Variants in VWA8 observed in about 807,000 individuals in gnomAD.
VWA8 encodes the protein von Willebrand factor A domain containing 8.
A neutral mutation model predicts 241.5 loss-of-function variants in VWA8; 221 were observed. That is an observed-to-expected ratio of 0.91 (90% CI 0.82 to 1.02). The LOEUF (loss-of-function observed/expected upper bound fraction) is 1.02. Among genes scored for constraint, VWA8 ranks in the 50% least tolerant of loss-of-function variants. The probability of loss-of-function intolerance (pLI) is 0.00; values close to 1 mark genes in which losing one functional copy is unlikely to be tolerated. For missense variants in VWA8, 2,322 were observed against 2,328.7 expected, an observed-to-expected ratio of 1.00 and a Z score of 0.06; for synonymous variants, 852 against 827.1, an observed-to-expected ratio of 1.03 and a Z score of -0.52.
At chr13:41,811,140 G>C in intron 17 of VWA8, 85 bp downstream of exon 17, 1 of 1,149,506 alleles carries the variant, frequency 8.7e-7, no homozygotes, top group South Asian at 1.4e-5. Context: ...TTGAAGAATT[G>C]GGAATATGCA....
intron 17 of VWA8, among the ~76,000 whole-genome samples, chr13:41,799,668 C>T (rs949995493): frequency 2.0e-5 from 3 of 152,140 alleles, no homozygotes; most frequent in Non-Finnish European, 2.9e-5. Flanking sequence ...CCACTTAGCC[C>T]TATTCCTATT....
Position 41,685,121 on chromosome 13 carries a change from G to A in VWA8, c.4253C>T (p.Thr1418Ile), listed in dbSNP as rs2137811511. 6.2e-7 allele frequency: 1 copy of A among 1,613,606 alleles called. No homozygotes were observed. The highest frequency in any genetic ancestry group is 8.5e-7 in the Non-Finnish European group (1 of 1,179,734). The change falls in exon 35 of 45, where the codon ACT becomes ATT. Residue 1418 changes from threonine (T) to isoleucine (I), a missense_variant. By Grantham distance (89) the Thr-to-Ile change is moderately conservative. Transcript: ENST00000379310. ...RGTPKQSNCV[T>I]LLDTNQVVRI... ...CACTACCTGATTCGTATCTAAAAGAGTCACACAATTGCTTTGTTTTGGAGT... is the reference window on the plus strand; with the variant it reads ...CACTACCTGATTCGTATCTAAAAGAATCACACAATTGCTTTGTTTTGGAGT...
intron 39 of VWA8, among the ~76,000 whole-genome samples, chr13:41,609,994 C>G (rs1484517785): frequency 2.0e-5 from 3 of 152,186 alleles, no homozygotes. Flanking sequence ...ATTATGGCAA[C>G]AGGAGAAGGG....
chr13:41,589,745 C>T (rs1255949556), intron 41 of VWA8, among the ~76,000 whole-genome samples: 1 of 152,180 alleles, frequency 6.6e-6, no homozygotes, highest in African/African-American at 2.4e-5. Context: ...GTCAACACAC[C>T]TGGACAGACT....
chr13:41,886,098 T>TGTGTAAGTTGTTAA, intron 7 of VWA8, 70 bp from the exon 8 acceptor site: 1 of 1,023,462 alleles, frequency 9.8e-7, no homozygotes, highest in South Asian at 1.6e-5. Context: ...AAATATAAAA[T>TGTGTAAGTTGTTAA]ACAGGGGCCA....
chr13:41,591,379 C>T (rs1245577644), intron 40 of VWA8, among the ~76,000 whole-genome samples: 3 of 152,068 alleles, frequency 2.0e-5, no homozygotes, highest in Non-Finnish European at 4.4e-5. Flanking sequence ...AATTTTACGG[C>T]AGTAAAATGA....
intron 12 of VWA8, 102 bp downstream of exon 12, chr13:41,865,634 A>C: frequency 7.7e-7 from 1 of 1,299,318 alleles, no homozygotes; most frequent in Non-Finnish European, 1.1e-6. Flanking sequence ...CTTTACCTAT[A>C]TAAAAAAACA....
In VWA8 at chr13:41,877,782, G is replaced by A. The variant is rs957106482; in HGVS notation, c.1080+5605C>T. ...GCCTGGATGTATTTGTTACTAAACT[G>A]TAAGAAAGCATACTATTCTCAAAGT... On this transcript the variant is annotated intron_variant, in intron 9 of 44. Coordinates refer to ENST00000379310, the MANE Select transcript of VWA8 (RefSeq NM_015058.2). Among the ~76,000 whole-genome samples, 4 of 152,104 alleles carry A rather than the reference G, an allele frequency of 2.6e-5. No individual in the cohort carries two copies. In the South Asian group the frequency reaches 8.3e-4, roughly 32 times the overall value.
At position 41,729,621 on chromosome 13, in the gene VWA8, T is replaced by C; in HGVS notation, c.2559A>G (p.Pro853=). The part of the protein sequence containing the change: ...ILVVDEADKA[P]TNVTCILKTL... ...TTTTTAAAATACACGTGACATTTGT[T>C]GGAGCTTTGTCAGCCTCATCTACTA... The change falls in exon 23 of 45, where the codon CCA becomes CCG. Residue 853 remains proline (P), a synonymous_variant. Transcript: ENST00000379310. 6.2e-7 allele frequency: 1 copy of C among 1,613,522 alleles called. No individual in the cohort carries two copies. Among genetic ancestry groups the C allele is most frequent in the Non-Finnish European group, 8.5e-7 (1 of 1,179,620 alleles).
intron 21 of VWA8, 33 bp downstream of exon 21, chr13:41,761,095 A>AT (rs1218847031): frequency 1.9e-6 from 3 of 1,590,186 alleles, no homozygotes; most frequent in Admixed American, 1.8e-5. Context: ...ATTAAATGAG[A>AT]TTTTTAAGAG....
Position 41,728,663 on chromosome 13 carries a change from A to G in VWA8, c.2638+879T>C, listed in dbSNP as rs556482411. On this transcript the variant is annotated intron_variant, in intron 23 of 44. Transcript: ENST00000379310. ...AAGTATTCAGGGTAACTCAAATTCTAATTTTTCACATAAATTCATTGTGAA... is the reference window on the plus strand; with the variant it reads ...AAGTATTCAGGGTAACTCAAATTCTGATTTTTCACATAAATTCATTGTGAA... 1.6e-3 allele frequency among the ~76,000 whole-genome samples: 247 copies of G among 151,976 alleles called. 1 individual carries two copies. The highest frequency in any genetic ancestry group is 5.6e-3 in the African/African-American group (231 of 41,486).
At chr13:41,909,047 GA>G (rs369784026) in intron 3 of VWA8, among the ~76,000 whole-genome samples, 4 of 140,988 alleles carry the variant, frequency 2.8e-5, no homozygotes, top group East Asian at 2.2e-4. Context: ...CGTAAAGGAG[GA>G]AAAAAATTTT....
chr13:41,623,671 A>G (rs945251717), intron 37 of VWA8, among the ~76,000 whole-genome samples: 4 of 152,044 alleles, frequency 2.6e-5, no homozygotes, highest in African/African-American at 9.7e-5. Context: ...ATTCACTCAT[A>G]CTCTTGTGCA....
chr13:41,748,137 CT>C (rs1286950730), intron 21 of VWA8, among the ~76,000 whole-genome samples: 7 of 152,230 alleles, frequency 4.6e-5, no homozygotes, highest in African/African-American at 1.4e-4. Flanking sequence ...AGGATTCCCT[CT>C]TTTTCTATTG....
chr13:41,833,518 C>T lies in VWA8; in HGVS notation c.1439G>A (p.Arg480His), dbSNP rs369778717. The T allele has an allele frequency of 4.5e-5, 72 of 1,608,162 alleles. No individual in the cohort carries two copies. The highest frequency in any genetic ancestry group is 3.3e-4 in the Admixed American group (19 of 58,284). The change falls in exon 13 of 45, where the codon CGT (arginine) becomes CAT (histidine). Residue 480 changes from arginine (R) to histidine (H), a missense_variant. Physicochemically the swap from Arg to His is conservative, Grantham distance 29 (BLOSUM62 0). Transcript: ENST00000379310. ...PIMLYQDMTA[R>H]DLLQQRYTLP... Reference sequence around the variant, plus strand: ...GGTGTATCTCTGCTGTAGCAGATCACGCGCTGTCATATCCTAAAACAAATC... The same window carrying T: ...GGTGTATCTCTGCTGTAGCAGATCATGCGCTGTCATATCCTAAAACAAATC...
chr13:41,710,854 G>C lies in VWA8; in HGVS notation c.3117-7443C>G, dbSNP rs372225506. ...TATTCCAAAGAGAGGCCCTGGCAGG[G>C]GGATGTTCTTTTTGATGCCTCTGAT... On this transcript the variant is annotated intron_variant, in intron 26 of 44. Coordinates refer to ENST00000379310, the MANE Select transcript of VWA8 (RefSeq NM_015058.2). 9.6e-4 allele frequency among the ~76,000 whole-genome samples: 146 copies of C among 152,264 alleles called. 1 individual carries two copies. The South Asian group carries it at 0.015, about 16-fold the overall frequency.
Position 41,740,577 on chromosome 13 carries a change from G to GT in VWA8, c.2427-8423dup. On this transcript the variant is annotated intron_variant, in intron 21 of 44. Transcript: ENST00000379310. ...TTATATCTTGGTATAAATGCAATCG[G>GT]TTTTTTTACTTTATGAACTGTGCCA... is the stretch of plus-strand genomic sequence containing the variant. 1.3e-5 allele frequency among the ~76,000 whole-genome samples: 2 copies of GT among 152,206 alleles called. 1 individual carries two copies. The highest frequency in any genetic ancestry group is 6.8e-3 in the Middle Eastern group (2 of 294).
At chr13:41,848,695 C>A (rs1462295701) in intron 12 of VWA8, among the ~76,000 whole-genome samples, 2 of 152,014 alleles carry the variant, frequency 1.3e-5, no homozygotes, top group Non-Finnish European at 2.9e-5. Flanking sequence ...GTCAATTAAA[C>A]CTCTTTCCTT....
At chr13:41,685,938 G>A (rs2045133386) in intron 34 of VWA8, among the ~76,000 whole-genome samples, 1 of 152,026 alleles carries the variant, frequency 6.6e-6, no homozygotes, top group South Asian at 2.1e-4. Context: ...AATTTCTTAT[G>A]CTTTTTCTAA....
Sources: allele counts gnomAD v4.1 joint callset (sites outside exome capture counted in the v4.1 genomes callset), GRCh38; gene constraint gnomAD v4.1.1; transcripts MANE v1.5; gene names NCBI Gene and HGNC (gene_info 2026-07-23, HGNC 2026-07-21).